NCK2: variants seen among roughly 807,000 people sequenced by gnomAD.
The protein encoded by NCK2 is NCK adaptor protein 2.
NCK2 carries 16 observed loss-of-function variants against 33.9 expected under a neutral mutation model. The observed-to-expected ratio is 0.47, with a 90% CI of 0.32 to 0.72. The LOEUF is 0.72. Ranked by LOEUF, NCK2 falls within the 30% of genes least tolerant of loss-of-function variation. The pLI is 0.03. For missense variants in NCK2, 418 were observed against 537.3 expected (o/e 0.78, Z 2.19); for synonymous variants, 273 against 239.9 (o/e 1.14, Z -1.27).
intron 1 of NCK2, among the ~76,000 whole-genome samples, chr2:105,775,456 C>T (rs10865069): frequency 0.81 from 123,409 of 152,156 alleles, 50,211 homozygotes; most frequent in East Asian, 0.88. Context: ...TCAGATTGAT[C>T]TTGTTTGAAC....
At chr2:105,885,207 G>T (rs1678675881) in intron 4 of NCK2, among the ~76,000 whole-genome samples, 1 of 152,162 alleles carries the variant, frequency 6.6e-6, no homozygotes, top group Admixed American at 6.5e-5. Flanking sequence ...AAGTGCGGGA[G>T]GCCATTTTCC....
intron 1 of NCK2, among the ~76,000 whole-genome samples, chr2:105,769,517 C>T (rs1031258897): frequency 1.3e-5 from 2 of 152,206 alleles, no homozygotes; most frequent in African/African-American, 4.8e-5. Flanking sequence ...AATTGTGACT[C>T]TACTTATAAT....
At chr2:105,801,467 A>G (rs1674837702) in intron 1 of NCK2, among the ~76,000 whole-genome samples, 1 of 151,704 alleles carries the variant, frequency 6.6e-6, no homozygotes, top group Admixed American at 6.6e-5. Flanking sequence ...CCAGTGCACA[A>G]CGTTAACAGA....
At chr2:105,758,033 G>T (rs1180639953) in intron 1 of NCK2, among the ~76,000 whole-genome samples, 1 of 152,164 alleles carries the variant, frequency 6.6e-6, no homozygotes, top group African/African-American at 2.4e-5. Context: ...TGCTTAGGAT[G>T]AACACATGAT....
At chr2:105,807,919 G>C (rs959207144) in intron 1 of NCK2, among the ~76,000 whole-genome samples, 7 of 141,448 alleles carry the variant, frequency 4.9e-5, no homozygotes, top group Non-Finnish European at 9.0e-5. Flanking sequence ...GTCTCTCTCT[G>C]TCTCTGATGA....
chr2:105,819,669 A>G (rs569598909), intron 2 of NCK2, among the ~76,000 whole-genome samples: 2 of 152,362 alleles, frequency 1.3e-5, no homozygotes, highest in African/African-American at 4.8e-5. Flanking sequence ...AAGACGGTAC[A>G]TGGAGACCAT....
Position 105,854,997 on chromosome 2 carries a change from G to A in NCK2, c.-16-51G>A. The A allele has an allele frequency of 3.6e-6, 5 of 1,397,422 alleles. No homozygotes were observed. The Admixed American group carries it at 5.2e-5, about 15-fold the overall frequency. The allele number at this position is 1,397,422 out of a possible 1,614,324, so 86.6% of individuals were successfully genotyped here. ...AATTTTTCAAGTTGGTGCAAAGGAT[G>A]AAGTGTCCGGGTAGTTCTCTAATGA... is the stretch of plus-strand genomic sequence containing the variant. On this transcript the variant is annotated intron_variant, in intron 2 of 4. Transcript: ENST00000233154.
chr2:105,893,008 A>AGC lies in NCK2; in HGVS notation c.977_978dup (p.Ser327ArgfsTer124). ...CCAGCGACTTCTCCGTGTCCCTTAA[A>AGC]GCGTCAGGGAAGAACAAACACTTCA... On this transcript the variant is annotated frameshift_variant, in exon 5 of 5. Transcript: ENST00000233154. LOFTEE classifies it high-confidence loss of function. The AGC allele has an allele frequency of 6.2e-7, 1 of 1,612,712 alleles. No individual in the cohort carries two copies. The highest frequency in any genetic ancestry group is 8.5e-7 in the Non-Finnish European group (1 of 1,178,852).
chr2:105,787,019 A>T (rs770041947), intron 1 of NCK2, among the ~76,000 whole-genome samples: 4 of 152,206 alleles, frequency 2.6e-5, no homozygotes, highest in Middle Eastern at 3.2e-3. Flanking sequence ...TGGGGTGAGC[A>T]TGTGCCCTGC....
chr2:105,801,365 C>T (rs114782847), intron 1 of NCK2, among the ~76,000 whole-genome samples: 1 of 152,148 alleles, frequency 6.6e-6, no homozygotes, highest in Non-Finnish European at 1.5e-5. Context: ...TTGCCTCCCC[C>T]CTTCCCCATG....
chr2:105,843,166 A>T (rs1676715019), intron 2 of NCK2, among the ~76,000 whole-genome samples: 1 of 152,134 alleles, frequency 6.6e-6, no homozygotes, highest in Non-Finnish European at 1.5e-5. Context: ...ATGGGACTCA[A>T]GTCTAAATGC....
intron 1 of NCK2, among the ~76,000 whole-genome samples, chr2:105,809,722 C>T (rs775905873): frequency 9.2e-5 from 14 of 152,172 alleles, no homozygotes; most frequent in Non-Finnish European, 1.8e-4. Context: ...GCACTTATGA[C>T]TTATTCACAG....
chr2:105,872,159 A>G (rs1678041784), intron 3 of NCK2, among the ~76,000 whole-genome samples: 1 of 152,190 alleles, frequency 6.6e-6, no homozygotes, highest in Non-Finnish European at 1.5e-5. Flanking sequence ...TTTGCTCGAC[A>G]CGTTTCTGCC....
intron 2 of NCK2, among the ~76,000 whole-genome samples, chr2:105,824,633 G>C (rs970625884): frequency 6.6e-6 from 1 of 152,158 alleles, no homozygotes; most frequent in African/African-American, 2.4e-5. Flanking sequence ...TCTCGGCGGC[G>C]TGTGCTTAGA....
chr2:105,887,870 G>A (rs1167974884), intron 4 of NCK2, among the ~76,000 whole-genome samples: 2 of 152,224 alleles, frequency 1.3e-5, no homozygotes, highest in African/African-American at 4.8e-5. Flanking sequence ...ATCAAAGAGT[G>A]TGCTCTCTAC....
intron 1 of NCK2, among the ~76,000 whole-genome samples, chr2:105,794,002 A>C: frequency 6.6e-6 from 1 of 150,466 alleles, no homozygotes; most frequent in East Asian, 1.9e-4. Flanking sequence ...TCACATTGAT[A>C]CTTATAACTC....
At chr2:105,789,585 A>G (rs1242568809) in intron 1 of NCK2, among the ~76,000 whole-genome samples, 1 of 152,224 alleles carries the variant, frequency 6.6e-6, no homozygotes, top group Admixed American at 6.5e-5. Flanking sequence ...AGTCTTTCTG[A>G]TGAAAATGAT....
At chr2:105,791,948 T>TG (rs1297184363) in intron 1 of NCK2, among the ~76,000 whole-genome samples, 2 of 152,196 alleles carry the variant, frequency 1.3e-5, no homozygotes, top group Non-Finnish European at 2.9e-5. Flanking sequence ...TGAGTGTGTG[T>TG]TTTTTAAGCA....
In NCK2 at chr2:105,768,775, A is replaced by C. The variant is rs1690030390; in HGVS notation, c.-201+23637A>C. Among the ~76,000 whole-genome samples the C allele has an allele frequency of 2.0e-5, 3 of 152,180 alleles. 1 individual carries two copies. The South Asian group carries it at 6.2e-4, about 32-fold the overall frequency. On this transcript the variant is annotated intron_variant, in intron 1 of 4. Coordinates refer to ENST00000233154, the MANE Select transcript of NCK2 (RefSeq NM_003581.5). ...GTGTGTGGCCCAGGGAAGCCAAAAGATTGGACACCCCTGTTTTAAAGGATG... is the reference window on the plus strand; with the variant it reads ...GTGTGTGGCCCAGGGAAGCCAAAAGCTTGGACACCCCTGTTTTAAAGGATG...
Sources: gnomAD v4.1 joint callset for allele counts (sites outside exome capture counted in the v4.1 genomes callset) on GRCh38, gnomAD v4.1.1 for gene constraint, MANE v1.5 for transcripts, NCBI Gene and HGNC (gene_info 2026-07-23, HGNC 2026-07-21) for gene names.